The following UIMC1 variants were observed in gnomAD, a reference collection of about 807,000 sequenced individuals.
UIMC1 encodes BRCA1-A complex subunit RAP80.
A neutral mutation model predicts 84.9 loss-of-function variants in UIMC1; 42 were observed. The observed-to-expected ratio is 0.49, with a 90% CI of 0.39 to 0.64. The LOEUF is 0.64. UIMC1 is among the 30% of genes least tolerant of loss of function. The pLI, the probability that UIMC1 is intolerant of heterozygous loss-of-function variation, is 0.00. For missense variants in UIMC1, 825 were observed against 847.6 expected (o/e 0.97, Z 0.33); for synonymous variants, 281 against 293.0 (o/e 0.96, Z 0.42).
At position 176,956,047 on chromosome 5, in the gene UIMC1, C is replaced by A. The variant is rs750251795; in HGVS notation, c.1263-12G>T. The A allele has an allele frequency of 2.1e-5, 34 of 1,611,350 alleles. No individual in the cohort carries two copies. The African/African-American group carries it at 4.0e-4, about 19-fold the overall frequency. Reference sequence around the variant, plus strand: ...TCAAAGCAGCAACACTGAAAGAGAACCAAATCCCAAATGAATTCCCAGTAA... The same window carrying A: ...TCAAAGCAGCAACACTGAAAGAGAAACAAATCCCAAATGAATTCCCAGTAA... On this transcript the variant is annotated splice_polypyrimidine_tract_variant and intron_variant, in intron 7 of 14. Transcript: ENST00000511320.
chr5:176,944,411 A>G (rs1764832142), intron 9 of UIMC1, among the ~76,000 whole-genome samples: 1 of 152,208 alleles, frequency 6.6e-6, no homozygotes, highest in African/African-American at 2.4e-5. Flanking sequence ...GGTTGATCAG[A>G]GCCAAGAACT....
At chr5:176,992,846 A>G (rs1025648221) in intron 1 of UIMC1, among the ~76,000 whole-genome samples, 7 of 152,102 alleles carry the variant, frequency 4.6e-5, no homozygotes, top group Admixed American at 1.3e-4. Context: ...GGAAGAAAAT[A>G]TGTGCAATAC....
At chr5:176,934,995 G>T (rs892067375) in intron 10 of UIMC1, among the ~76,000 whole-genome samples, 3 of 152,048 alleles carry the variant, frequency 2.0e-5, no homozygotes, top group Admixed American at 6.6e-5. Flanking sequence ...CATTAACTTG[G>T]TTTTTTTGCT....
upstream of UIMC1, among the ~76,000 whole-genome samples, chr5:177,010,803 G>A (rs1775532648): frequency 6.6e-6 from 1 of 152,150 alleles, no homozygotes; most frequent in Admixed American, 6.5e-5. Flanking sequence ...ACCGGGTCCG[G>A]CCAGAGGATG....
chr5:176,963,387 GGT>G (rs1486107466), intron 6 of UIMC1, among the ~76,000 whole-genome samples: 3 of 151,874 alleles, frequency 2.0e-5, no homozygotes, highest in Non-Finnish European at 4.4e-5. Flanking sequence ...CAGGCATGGT[GGT>G]GCATGCCTGT....
At chr5:176,907,985 T>C (rs560008611) in intron 12 of UIMC1, among the ~76,000 whole-genome samples, 1 of 152,336 alleles carries the variant, frequency 6.6e-6, no homozygotes, top group Non-Finnish European at 1.5e-5. Flanking sequence ...AATGACCATC[T>C]GTGTGATATA....
chr5:176,932,056 G>C (rs80316412), intron 10 of UIMC1, among the ~76,000 whole-genome samples: 4,993 of 152,240 alleles, frequency 0.033, 295 homozygotes, highest in African/African-American at 0.11. Flanking sequence ...ATTAATCCCA[G>C]AGGAGTAAAA....
At chr5:176,933,556 G>C (rs963488017) in intron 10 of UIMC1, among the ~76,000 whole-genome samples, 3 of 151,108 alleles carry the variant, frequency 2.0e-5, no homozygotes, top group African/African-American at 7.3e-5. Flanking sequence ...TTTGAGACAG[G>C]GTCTTGCTCA....
intron 3 of UIMC1, among the ~76,000 whole-genome samples, chr5:176,974,050 C>A (rs899994237): frequency 1.3e-5 from 2 of 151,974 alleles, no homozygotes; most frequent in Non-Finnish European, 2.9e-5. Flanking sequence ...CAGAGTAGGA[C>A]CCTGCCTCAA....
chr5:176,940,749 G>A (rs1324892734), intron 10 of UIMC1, among the ~76,000 whole-genome samples: 1 of 152,128 alleles, frequency 6.6e-6, no homozygotes, highest in Non-Finnish European at 1.5e-5. Flanking sequence ...AAAAATCTCT[G>A]ACATAGTAAT....
At chr5:176,952,851 TAAC>T (rs549756888) in intron 8 of UIMC1, among the ~76,000 whole-genome samples, 58 of 152,048 alleles carry the variant, frequency 3.8e-4, no homozygotes, top group East Asian at 3.1e-3. Context: ...TCACTTAATA[TAAC>T]AACAATAAAA....
chr5:177,020,580 G>A (rs752924650), intron 1 of UIMC1, among the ~76,000 whole-genome samples: 1 of 152,052 alleles, frequency 6.6e-6, no homozygotes, highest in Admixed American at 6.6e-5. Context: ...ACAGGCGCCC[G>A]CCACCACGCC....
At chr5:176,940,140 C>G (rs1348687934) in intron 10 of UIMC1, among the ~76,000 whole-genome samples, 7 of 152,190 alleles carry the variant, frequency 4.6e-5, no homozygotes, top group Non-Finnish European at 1.0e-4. Flanking sequence ...TGAGAAAATT[C>G]AGGAACAAGC....
intron 10 of UIMC1, among the ~76,000 whole-genome samples, chr5:176,930,982 C>T (rs536795613): frequency 6.6e-6 from 1 of 152,326 alleles, no homozygotes; most frequent in South Asian, 2.1e-4. Context: ...GAGGCTTCCA[C>T]GGTCTTCTCA....
At chr5:176,950,100 C>CTTTTTTTT (rs779279628) in intron 9 of UIMC1, among the ~76,000 whole-genome samples, 1 of 108,658 alleles carries the variant, frequency 9.2e-6, no homozygotes. Flanking sequence ...AGGAACCTTT[C>CTTTTTTTT]TTTTTTTTTT....
In UIMC1 at chr5:176,936,045, G is replaced by C. The variant is rs182634792; in HGVS notation, c.1597+7290C>G. 8.0e-4 allele frequency among the ~76,000 whole-genome samples: 122 copies of C among 152,200 alleles called. 1 individual carries two copies. The highest frequency in any genetic ancestry group is 8.4e-4 in the Non-Finnish European group (57 of 68,008). On this transcript the variant is annotated intron_variant, in intron 10 of 14. Transcript: ENST00000511320. ...CTCCCTAACTTATTCTTACCCCTTT[G>C]ACTCTTATGCTTTGCCTTTCTTCTT... is the stretch of plus-strand genomic sequence containing the variant.
chr5:176,959,098 A>G (rs562844810), intron 6 of UIMC1, among the ~76,000 whole-genome samples: 5 of 152,388 alleles, frequency 3.3e-5, no homozygotes, highest in African/African-American at 4.8e-5. Context: ...GTTTTCAGTC[A>G]AAAGGAAAGT....
At chr5:176,973,711 CTAGGCAACA>C (rs1305403203) in intron 3 of UIMC1, among the ~76,000 whole-genome samples, 3 of 152,022 alleles carry the variant, frequency 2.0e-5, no homozygotes, top group Non-Finnish European at 4.4e-5. Context: ...CGAGACCAGC[CTAGGCAACA>C]TAGTGAGATC....
intron 10 of UIMC1, among the ~76,000 whole-genome samples, chr5:176,920,814 C>T (rs1246257338): frequency 1.3e-5 from 2 of 152,168 alleles, no homozygotes; most frequent in South Asian, 2.1e-4. Flanking sequence ...TCCTTTACCA[C>T]GTTGAATGGA....
Sources: gnomAD v4.1 joint callset for allele counts (sites outside exome capture counted in the v4.1 genomes callset) on GRCh38, gnomAD v4.1.1 for gene constraint, MANE v1.5 for transcripts, NCBI Gene and HGNC (gene_info 2026-07-23, HGNC 2026-07-21) for gene names.